TMC3: variants seen among roughly 807,000 people sequenced by gnomAD.
The protein encoded by TMC3 is transmembrane channel like 3.
A neutral mutation model predicts 110.6 loss-of-function variants in TMC3; 98 were observed. The ratio of observed to expected loss-of-function variants is 0.89; its 90% CI spans 0.75 to 1.05. TMC3 has a LOEUF of 1.05. Among genes scored for constraint, TMC3 ranks in the 50% least tolerant of loss-of-function variants. TMC3 has a pLI of 0.00. For missense variants in TMC3, 1,319 were observed against 1,373.2 expected (o/e 0.96, Z 0.62); for synonymous variants, 489 against 513.1 (o/e 0.95, Z 0.63).
intron 1 of TMC3, among the ~76,000 whole-genome samples, chr15:81,372,948 T>C (rs538302391): frequency 9.9e-5 from 15 of 152,104 alleles, no homozygotes; most frequent in African/African-American, 3.1e-4. Flanking sequence ...CAGTAGCCTG[T>C]TGAAACACAT....
At chr15:81,348,422 A>G (rs1325309205) in intron 11 of TMC3, among the ~76,000 whole-genome samples, 1 of 152,216 alleles carries the variant, frequency 6.6e-6, no homozygotes. Context: ...AAATTTGTAA[A>G]TGAAGAGACC....
chr15:81,340,212 C>CTCTCTG (rs1239791349), intron 16 of TMC3, among the ~76,000 whole-genome samples: 1 of 130,242 alleles, frequency 7.7e-6, no homozygotes, highest in African/African-American at 3.6e-5. Flanking sequence ...TTCTCTGTCT[C>CTCTCTG]TCTCTGTCTC....
At position 81,362,227 on chromosome 15, in the gene TMC3, T is replaced by A. The variant is rs1894203241; in HGVS notation, c.387A>T (p.Lys129Asn). 1.2e-6 allele frequency: 2 copies of A among 1,608,952 alleles called. No individual in the cohort carries two copies. Among genetic ancestry groups the A allele is most frequent in the Non-Finnish European group, 1.7e-6 (2 of 1,177,466 alleles). Residue 129 changes from lysine (K) to asparagine (N), a missense_variant, in exon 4 of 22, where the codon AAA (lysine) becomes AAT (asparagine). Coordinates refer to ENST00000359440, the MANE Select transcript of TMC3 (RefSeq NM_001080532.3). Reference sequence around the variant, plus strand: ...CCAGGTGTAAATACTTACTCTCGATTTTCTTTATCCTCATTTCCCAGGGAA... The same window carrying A: ...CCAGGTGTAAATACTTACTCTCGATATTCTTTATCCTCATTTCCCAGGGAA... ...IFIPWEMRIK[K>N]IESHFGSGVA...
At chr15:81,351,527 T>G (rs886921301) in intron 10 of TMC3, among the ~76,000 whole-genome samples, 167 bp downstream of exon 10, 1 of 151,912 alleles carries the variant, frequency 6.6e-6, no homozygotes, top group Non-Finnish European at 1.5e-5. Context: ...AATTTTTGTG[T>G]TTTTGGTAGA....
chr15:81,347,743 G>A (rs754152163), intron 11 of TMC3, among the ~76,000 whole-genome samples: 6 of 152,226 alleles, frequency 3.9e-5, no homozygotes, highest in Non-Finnish European at 5.9e-5. Flanking sequence ...TTCAACATGA[G>A]TAACGAGGCC....
chr15:81,357,223 G>A (rs1422016278), intron 7 of TMC3, among the ~76,000 whole-genome samples: 1 of 152,066 alleles, frequency 6.6e-6, no homozygotes, highest in Non-Finnish European at 1.5e-5. Flanking sequence ...GAAGCCACCA[G>A]GAGCTAAGCT....
Position 81,334,709 on chromosome 15 carries a change from T to G in TMC3, c.2459+11A>C. 6.2e-7 allele frequency: 1 copy of G among 1,611,932 alleles called. No individual in the cohort carries two copies. The highest frequency in any genetic ancestry group is 8.5e-7 in the Non-Finnish European group (1 of 1,178,366). On this transcript the variant is annotated intron_variant, in intron 21 of 21. Transcript: ENST00000359440. The stretch of plus-strand genomic sequence containing the variant: ...TTCCAGGTTTTAATCTGTGCTGCAG[T>G]GGAGCCTCACCTGTTAGTTTCATGC...
intron 12 of TMC3, 79 bp downstream of exon 12, chr15:81,346,286 C>A: frequency 7.7e-7 from 1 of 1,291,506 alleles, no homozygotes; most frequent in Non-Finnish European, 1.1e-6. Flanking sequence ...ATCCTGTCCA[C>A]GATGATGACC....
chr15:81,346,483 C>A, intron 11 of TMC3, 40 bp from the exon 12 acceptor site: 1 of 1,592,362 alleles, frequency 6.3e-7, no homozygotes, highest in East Asian at 2.2e-5. Flanking sequence ...AAGACCATGG[C>A]ATAGAAGTCC....
chr15:81,349,737 G>A (rs1026431487), intron 10 of TMC3, among the ~76,000 whole-genome samples, 170 bp from the exon 11 acceptor site: 1 of 151,032 alleles, frequency 6.6e-6, no homozygotes, highest in East Asian at 1.9e-4. Flanking sequence ...TTTTCAAAAG[G>A]CGGCCACCAC....
chr15:81,365,320 A>G (rs1486655053), intron 3 of TMC3, among the ~76,000 whole-genome samples: 2 of 152,274 alleles, frequency 1.3e-5, no homozygotes, highest in African/African-American at 2.4e-5. Context: ...TGCTCACTGT[A>G]TGCTAAGCAC....
At chr15:81,353,100 G>T (rs1237175667) in intron 9 of TMC3, among the ~76,000 whole-genome samples, 1 of 152,106 alleles carries the variant, frequency 6.6e-6, no homozygotes, top group African/African-American at 2.4e-5. Flanking sequence ...GGGATTACAG[G>T]TGTGTGCCAC....
intron 12 of TMC3, 60 bp downstream of exon 12, chr15:81,346,305 G>A (rs35379895): frequency 0.16 from 232,658 of 1,420,832 alleles, 24,378 homozygotes; most frequent in South Asian, 0.39. Context: ...CCCTGGTGTT[G>A]GGAGGAGGTA....
intron 2 of TMC3, among the ~76,000 whole-genome samples, chr15:81,368,643 T>C (rs1033425011): frequency 6.6e-6 from 1 of 152,166 alleles, no homozygotes; most frequent in African/African-American, 2.4e-5. Flanking sequence ...ATTCTGAGCT[T>C]TGGAAATCCT....
intron 2 of TMC3, among the ~76,000 whole-genome samples, chr15:81,369,682 G>C (rs1894392347): frequency 6.6e-6 from 1 of 152,056 alleles, no homozygotes; most frequent in African/African-American, 2.4e-5. Context: ...TCAGCACTTT[G>C]GGAGGCTGAG....
In TMC3 at chr15:81,351,729, A is replaced by C; in HGVS notation, c.1048T>G (p.Ser350Ala). The part of the protein sequence containing the change: ...VVDRSQKLEQ[S>A]KKELTLWEKN... ...TCCCAAAGTGTCAGCTCCTTCTTCG[A>C]CTGCTCCAGCTTCTGGGACCGGTCC... Residue 350 changes from serine to alanine, a missense_variant, in exon 10 of 22, where the codon TCG becomes GCG. Ser to Ala is a moderately conservative substitution (Grantham distance 99, BLOSUM62 1). Transcript: ENST00000359440. 6.4e-7 allele frequency: 1 copy of C among 1,569,468 alleles called. No homozygotes were observed. Among genetic ancestry groups the C allele is most frequent in the Non-Finnish European group, 8.6e-7 (1 of 1,157,368 alleles).
Position 81,332,698 on chromosome 15 carries a change from G to T in TMC3, c.3024C>A (p.Ala1008=). The T allele has an allele frequency of 6.2e-7, 1 of 1,613,988 alleles. No homozygotes were observed. Residue 1008 remains alanine, a synonymous_variant, in exon 22 of 22, where the codon GCC becomes GCA. Coordinates refer to ENST00000359440, the MANE Select transcript of TMC3 (RefSeq NM_001080532.3). Reference sequence around the variant, plus strand: ...GGGATCGTGGCTTTCTGGGCACATAGGCTGGCCTCTCAAGGTGACCCTCAA... The same window carrying T: ...GGGATCGTGGCTTTCTGGGCACATATGCTGGCCTCTCAAGGTGACCCTCAA... The part of the protein sequence containing the change: ...EDFEGHLERP[A]YVPRKPRSRN...
Position 81,362,983 on chromosome 15 carries a change from C to T in TMC3, c.313-682G>A, listed in dbSNP as rs541389542. 1.4e-4 allele frequency among the ~76,000 whole-genome samples: 21 copies of T among 152,292 alleles called. 1 individual carries two copies. The South Asian group carries it at 2.5e-3, about 18-fold the overall frequency. On this transcript the variant is annotated intron_variant, in intron 3 of 21. Coordinates refer to ENST00000359440, the MANE Select transcript of TMC3 (RefSeq NM_001080532.3). Reference sequence around the variant, plus strand: ...AATTTGTCTTGTATTTTTGGCCAGGCGCGGTGGCTCACGCCTGTAATCCAA... The same window carrying T: ...AATTTGTCTTGTATTTTTGGCCAGGTGCGGTGGCTCACGCCTGTAATCCAA...
In TMC3 at chr15:81,334,908, C is replaced by T. The variant is rs1400334903; in HGVS notation, c.2271G>A (p.Leu757=). Reference sequence around the variant, plus strand: ...GGGGTGTGCCCGAGTGCGCTGAGGACAGCTGGCTGGTAAGATCACTGTCGT... The same window carrying T: ...GGGGTGTGCCCGAGTGCGCTGAGGATAGCTGGCTGGTAAGATCACTGTCGT... ...LPNDSDLTSQ[L]SSAHSGTPQN... Residue 757 remains leucine, a synonymous_variant, in exon 21 of 22, where the codon CTG becomes CTA. Coordinates refer to ENST00000359440, the MANE Select transcript of TMC3 (RefSeq NM_001080532.3). The T allele has an allele frequency of 5.6e-6, 9 of 1,614,028 alleles. No homozygotes were observed. The South Asian group carries it at 9.9e-5, about 18-fold the overall frequency.
Sources: gnomAD v4.1 joint callset for allele counts (sites outside exome capture counted in the v4.1 genomes callset) on GRCh38, gnomAD v4.1.1 for gene constraint, MANE v1.5 for transcripts, NCBI Gene and HGNC (gene_info 2026-07-23, HGNC 2026-07-21) for gene names.